Variants in HGD observed in about 807,000 individuals in gnomAD.
HGD encodes homogentisate 1,2-dioxygenase, also known as homogentisate oxidase.
In HGD, 61 loss-of-function variants were observed where a neutral mutation model predicts 60.8. That is an observed-to-expected ratio of 1.00 (90% CI 0.82 to 1.24). HGD has a LOEUF of 1.24. Ranked by LOEUF, HGD falls within the 50% of genes most tolerant of loss-of-function variation. The pLI, the probability that HGD is intolerant of heterozygous loss-of-function variation, is 0.00. For missense variants in HGD, 542 were observed against 547.1 expected (o/e 0.99, Z 0.09); for synonymous variants, 212 against 187.7 (o/e 1.13, Z -1.06).
intron 12 of HGD, among the ~76,000 whole-genome samples, chr3:120,635,536 G>A (rs1940742509): frequency 6.7e-6 from 1 of 150,140 alleles, no homozygotes; most frequent in Non-Finnish European, 1.5e-5. Context: ...TAAGATGACT[G>A]GAGGCAATAT....
Position 120,628,362 on chromosome 3 carries a change from G to A in HGD, c.*18C>T. On this transcript the variant is annotated 3_prime_UTR_variant, in exon 14 of 14. Transcript: ENST00000283871. Reference sequence around the variant, plus strand: ...TCTTCACAAATCTACTCTTAATTATGGTAGCAATGTTCCAGTCTCAATTAG... The same window carrying A: ...TCTTCACAAATCTACTCTTAATTATAGTAGCAATGTTCCAGTCTCAATTAG... The A allele has an allele frequency of 6.2e-7, 1 of 1,612,372 alleles. No individual in the cohort carries two copies. Among genetic ancestry groups the A allele is most frequent in the Non-Finnish European group, 8.5e-7 (1 of 1,178,630 alleles).
chr3:120,665,302 A>G (rs976593930), intron 4 of HGD, among the ~76,000 whole-genome samples: 6 of 152,232 alleles, frequency 3.9e-5, no homozygotes, highest in African/African-American at 1.4e-4. Flanking sequence ...TTAAGAACCA[A>G]GAGGTAATTT....
chr3:120,646,432 C>G, intron 8 of HGD, 66 bp from the exon 9 acceptor site: 1 of 1,011,420 alleles, frequency 9.9e-7, no homozygotes, highest in Non-Finnish European at 1.6e-6. Flanking sequence ...AGAAGCTGCC[C>G]AGAGCCATAG....
At chr3:120,630,843 T>A in intron 13 of HGD, among the ~76,000 whole-genome samples, 1 of 116,702 alleles carries the variant, frequency 8.6e-6, no homozygotes, top group South Asian at 2.8e-4. Context: ...CACACACACA[T>A]ACACACACAC....
intron 6 of HGD, among the ~76,000 whole-genome samples, chr3:120,648,157 G>T (rs1377766610): frequency 3.3e-5 from 5 of 152,160 alleles, no homozygotes; most frequent in Non-Finnish European, 2.9e-5. Flanking sequence ...TCAAGTTTGA[G>T]GGAATGAAAG....
chr3:120,650,087 C>T (rs1941292827), intron 6 of HGD, among the ~76,000 whole-genome samples: 1 of 152,360 alleles, frequency 6.6e-6, no homozygotes, highest in African/African-American at 2.4e-5. Flanking sequence ...GTTTCTAGTA[C>T]TCCAGCTGGT....
chr3:120,661,366 C>T (rs1418177551), intron 4 of HGD, among the ~76,000 whole-genome samples: 2 of 152,148 alleles, frequency 1.3e-5, no homozygotes, highest in Admixed American at 6.5e-5. Context: ...TGTTTCTTGT[C>T]TAATCCCCTT....
At chr3:120,657,818 T>TGA (rs71133511) in intron 4 of HGD, among the ~76,000 whole-genome samples, 5 of 146,994 alleles carry the variant, frequency 3.4e-5, no homozygotes, top group South Asian at 2.2e-4. Flanking sequence ...GGAACAGGAG[T>TGA]GAGAGAGAGA....
chr3:120,670,409 T>C lies in HGD; in HGVS notation c.282+18A>G. On this transcript the variant is annotated intron_variant, in intron 4 of 13. Coordinates refer to ENST00000283871, the MANE Select transcript of HGD (RefSeq NM_000187.4). ...GCTTTGGGTATATGATAAGCTTCAATTCACAGGACCAGGTTACCTGGTTAG... is the reference window on the plus strand; with the variant it reads ...GCTTTGGGTATATGATAAGCTTCAACTCACAGGACCAGGTTACCTGGTTAG... The C allele has an allele frequency of 1.5e-6, 2 of 1,295,636 alleles. No homozygotes were observed. The highest frequency in any genetic ancestry group is 2.2e-6 in the Non-Finnish European group (2 of 888,910). 80.3% of individuals were successfully genotyped at this position (1,295,636 alleles called of 1,614,324 possible).
intron 4 of HGD, 192 bp downstream of exon 4, chr3:120,670,235 T>G (rs1191561889): frequency 1.6e-6 from 1 of 610,990 alleles, no homozygotes; most frequent in Non-Finnish European, 2.9e-6. Flanking sequence ...TCTTGGTTAT[T>G]TTTTCATAGC....
intron 4 of HGD, among the ~76,000 whole-genome samples, chr3:120,662,570 T>A (rs1474777258): frequency 6.6e-6 from 1 of 152,164 alleles, no homozygotes; most frequent in Non-Finnish European, 1.5e-5. Context: ...GTAACTCTTA[T>A]GTATACTCAG....
At chr3:120,658,878 G>T (rs1044782011) in intron 4 of HGD, among the ~76,000 whole-genome samples, 1 of 152,210 alleles carries the variant, frequency 6.6e-6, no homozygotes, top group Non-Finnish European at 1.5e-5. Flanking sequence ...CCTTTGAAGC[G>T]GTGCTTGGAT....
chr3:120,668,784 T>C (rs1482991868), intron 4 of HGD, among the ~76,000 whole-genome samples: 1 of 152,190 alleles, frequency 6.6e-6, no homozygotes, highest in Non-Finnish European at 1.5e-5. Context: ...TGAAACATCA[T>C]AGCTTAAGAC....
At chr3:120,658,169 C>G (rs1274289978) in intron 4 of HGD, among the ~76,000 whole-genome samples, 10 of 152,168 alleles carry the variant, frequency 6.6e-5, no homozygotes, top group African/African-American at 2.4e-4. Flanking sequence ...TTAACTCATT[C>G]TAGTATTAAC....
intron 1 of HGD, among the ~76,000 whole-genome samples, chr3:120,681,518 C>A (rs777960915): frequency 6.6e-6 from 1 of 152,154 alleles, no homozygotes. Flanking sequence ...GAAACAAGAA[C>A]CTCTCTCTAT....
chr3:120,670,399 T>A, intron 4 of HGD, 28 bp downstream of exon 4: 1 of 1,108,132 alleles, frequency 9.0e-7, no homozygotes, highest in Non-Finnish European at 1.4e-6. Flanking sequence ...GGGTATATGA[T>A]AAGCTTCAAT....
intron 13 of HGD, among the ~76,000 whole-genome samples, chr3:120,631,864 A>G (rs1940601716): frequency 6.6e-6 from 1 of 152,194 alleles, no homozygotes; most frequent in African/African-American, 2.4e-5. Flanking sequence ...AGTAATTCAA[A>G]GTATTGCTCC....
intron 12 of HGD, chr3:120,633,575 A>G (rs530168427): frequency 6.9e-7 from 1 of 1,442,340 alleles, no homozygotes; most frequent in South Asian, 1.2e-5. Context: ...ACTCTCTGAC[A>G]GGAATCAGGC....
chr3:120,660,768 T>C lies in HGD; in HGVS notation c.283-8117A>G, dbSNP rs546956484. Among the ~76,000 whole-genome samples, 33 of 152,264 alleles carry C rather than the reference T, an allele frequency of 2.2e-4. No individual in the cohort carries two copies. The East Asian group carries it at 2.7e-3, about 12-fold the overall frequency. ...TGAACCCAAGAGGAGGAGATTGCAG[T>C]GAGCTGATATCACAACACTGTACTC... is the stretch of plus-strand genomic sequence containing the variant. On this transcript the variant is annotated intron_variant, in intron 4 of 13. Coordinates refer to ENST00000283871, the MANE Select transcript of HGD (RefSeq NM_000187.4).
Sources: allele counts gnomAD v4.1 joint callset (sites outside exome capture counted in the v4.1 genomes callset), GRCh38; gene constraint gnomAD v4.1.1; transcripts MANE v1.5; gene names NCBI Gene and HGNC (gene_info 2026-07-23, HGNC 2026-07-21).